The following MIA2 variants were observed in gnomAD, a reference collection of about 807,000 sequenced individuals.
MIA2 encodes the protein MIA SH3 domain ER export factor 2.
A neutral mutation model predicts 167.8 loss-of-function variants in MIA2; 127 were observed. That is an observed-to-expected ratio of 0.76 (90% CI 0.66 to 0.88). MIA2 has a LOEUF of 0.88. Ranked by LOEUF, MIA2 falls within the 40% of genes least tolerant of loss-of-function variation. The probability of loss-of-function intolerance (pLI) is 0.00; values close to 1 mark genes in which losing one functional copy is unlikely to be tolerated. For synonymous variants in MIA2, 552 were observed against 541.9 expected, an observed-to-expected ratio of 1.02 and a Z score of -0.26; for missense variants, 1,690 against 1,624.7, an observed-to-expected ratio of 1.04 and a Z score of -0.69.
intron 4 of MIA2, among the ~76,000 whole-genome samples, chr14:39,249,956 T>C (rs1269336604): frequency 6.6e-6 from 1 of 152,182 alleles, no homozygotes; most frequent in Non-Finnish European, 1.5e-5. Context: ...AACCAACATA[T>C]AGATATTTAG....
intron 25 of MIA2, among the ~76,000 whole-genome samples, chr14:39,337,649 A>G (rs563674098): frequency 7.2e-5 from 11 of 152,196 alleles, no homozygotes; most frequent in Non-Finnish European, 1.6e-4. Context: ...AACAATTTGG[A>G]TGTATCTCAA....
chr14:39,291,223 TTAAA>T (rs906727867), intron 10 of MIA2, 127 bp downstream of exon 10: 20 of 710,516 alleles, frequency 2.8e-5, no homozygotes, highest in African/African-American at 2.4e-4. Flanking sequence ...ATGTTAAAAC[TTAAA>T]TAAGAAAATT....
intron 9 of MIA2, among the ~76,000 whole-genome samples, chr14:39,289,465 G>A (rs2060427529): frequency 6.6e-6 from 1 of 152,072 alleles, no homozygotes; most frequent in Non-Finnish European, 1.5e-5. Context: ...CCTGTGATCT[G>A]GCCTCCTAAA....
At position 39,317,987 on chromosome 14, in the gene MIA2, A is replaced by T. The variant is rs2065799473; in HGVS notation, c.3260A>T (p.Lys1087Ile). 1 of 1,584,010 alleles carries T rather than the reference A, an allele frequency of 6.3e-7. No homozygotes were observed. Among genetic ancestry groups the T allele is most frequent in the African/African-American group, 1.4e-5 (1 of 73,440 alleles). ...NAERNLNDLR[K>I]ENAHNRQKLT... is the part of the protein sequence containing the mutation. ...GAAAGAAACCTCAATGATTTAAGGA[A>T]AGAAAATGCTCACAACAGACAAAAG... The change falls in exon 22 of 29, where the codon AAA becomes ATA. Residue 1087 changes from lysine (K) to isoleucine (I), a missense_variant. By Grantham distance (102) the Lys-to-Ile change is moderately radical. Coordinates refer to ENST00000640607, the MANE Select transcript of MIA2 (RefSeq NM_001329214.4).
intron 25 of MIA2, among the ~76,000 whole-genome samples, chr14:39,340,878 A>G (rs936775105): frequency 3.9e-5 from 6 of 152,332 alleles, no homozygotes; most frequent in Non-Finnish European, 7.3e-5. Context: ...TTAATTTGTC[A>G]GTCTTCCTGA....
chr14:39,328,928 A>T (rs985252429), intron 25 of MIA2, among the ~76,000 whole-genome samples: 2 of 152,184 alleles, frequency 1.3e-5, no homozygotes, highest in Admixed American at 6.5e-5. Flanking sequence ...TTTTTTGCTT[A>T]GGATTGTCTT....
At chr14:39,281,619 G>GT (rs549847071) in intron 9 of MIA2, among the ~76,000 whole-genome samples, 1,341 of 133,224 alleles carry the variant, frequency 0.01, 8 homozygotes, top group Non-Finnish European at 0.014. Flanking sequence ...TTTTGTTTTG[G>GT]TTTTTTTTTT....
chr14:39,275,272 C>G (rs1260264556), intron 6 of MIA2, among the ~76,000 whole-genome samples: 2 of 151,586 alleles, frequency 1.3e-5, no homozygotes, highest in South Asian at 4.2e-4. Flanking sequence ...TTTCTAGTAG[C>G]TGGAACTACA....
intron 2 of MIA2, among the ~76,000 whole-genome samples, chr14:39,238,811 A>ACAAAAAAC (rs1555342105): frequency 2.9e-5 from 3 of 103,608 alleles, no homozygotes; most frequent in African/African-American, 1.2e-4. Flanking sequence ...AAAAAAAAAA[A>ACAAAAAAC]CCCAAAAAAC....
At chr14:39,381,092 A>T (rs1296137649) in intron 23 of MIA2, among the ~76,000 whole-genome samples, 3 of 152,058 alleles carry the variant, frequency 2.0e-5, no homozygotes, top group African/African-American at 4.8e-5. Context: ...TTGTCTGTTT[A>T]CACTCTTGGG....
intron 6 of MIA2, chr14:39,266,545 A>G (rs545526896): frequency 1.0e-6 from 1 of 985,480 alleles, no homozygotes; most frequent in South Asian, 4.7e-5. Context: ...AGGAAACCAG[A>G]TCGAGGTTCT....
At chr14:39,234,274 T>C in intron 1 of MIA2, 45 bp downstream of exon 1, 1 of 1,224,996 alleles carries the variant, frequency 8.2e-7, no homozygotes, top group African/African-American at 1.5e-5. Context: ...ATTGAGGCTC[T>C]GCAATGACAT....
At chr14:39,238,516 C>A (rs2053873781) in intron 2 of MIA2, among the ~76,000 whole-genome samples, 1 of 151,992 alleles carries the variant, frequency 6.6e-6, no homozygotes, top group Non-Finnish European at 1.5e-5. Flanking sequence ...CAGCTTGGGC[C>A]AGGCTTGGTG....
chr14:39,297,666 C>CGTGTGTGTGT (rs71435638), intron 13 of MIA2, among the ~76,000 whole-genome samples: 21,009 of 139,864 alleles, frequency 0.15, 1,584 homozygotes, highest in East Asian at 0.26. Flanking sequence ...TAGGGTTTTG[C>CGTGTGTGTGT]GTGTGTGTGT....
intron 23 of MIA2, among the ~76,000 whole-genome samples, chr14:39,359,992 G>GTTTTTTTTTTTTTTT (rs58076493): frequency 1.6e-5 from 2 of 128,818 alleles, no homozygotes; most frequent in Non-Finnish European, 3.3e-5. Flanking sequence ...TCTGCAGCAT[G>GTTTTTTTTTTTTTTT]TTTTTTTTTT....
intron 6 of MIA2, among the ~76,000 whole-genome samples, chr14:39,257,920 C>A (rs141506409): frequency 1.3e-3 from 195 of 152,330 alleles, no homozygotes; most frequent in African/African-American, 4.3e-3. Flanking sequence ...CCCCCACTCT[C>A]TTCTGGCTTA....
intron 6 of MIA2, chr14:39,267,214 G>C: frequency 2.2e-6 from 3 of 1,333,930 alleles, no homozygotes; most frequent in Non-Finnish European, 1.9e-6. Flanking sequence ...TGTGCGGGTC[G>C]GGCTCGGACC....
chr14:39,266,809 C>A, intron 6 of MIA2: 1 of 186,054 alleles, frequency 5.4e-6, no homozygotes, highest in Non-Finnish European at 8.5e-6. Context: ...CCTTGGGTGT[C>A]GGGGCTGGGC....
At chr14:39,243,347 G>A (rs2054143987) in intron 3 of MIA2, among the ~76,000 whole-genome samples, 2 of 152,066 alleles carry the variant, frequency 1.3e-5, no homozygotes, top group African/African-American at 4.8e-5. Flanking sequence ...TTTGGGCTGG[G>A]ATATGGGAGT....
Sources: allele counts gnomAD v4.1 joint callset (sites outside exome capture counted in the v4.1 genomes callset), GRCh38; gene constraint gnomAD v4.1.1; transcripts MANE v1.5; gene names NCBI Gene and HGNC (gene_info 2026-07-23, HGNC 2026-07-21).